Variants in THAP10 observed in about 807,000 individuals in gnomAD.
THAP10 encodes THAP domain containing 10.
In THAP10, 10 loss-of-function variants were observed where a neutral mutation model predicts 15.7. The ratio of observed to expected loss-of-function variants is 0.64; its 90% CI spans 0.39 to 1.08. The LOEUF (loss-of-function observed/expected upper bound fraction) is 1.08. Ranked by LOEUF, THAP10 falls within the 50% of genes least tolerant of loss-of-function variation. THAP10 has a pLI of 0.01. For missense variants in THAP10, 310 were observed against 330.9 expected, an observed-to-expected ratio of 0.94 and a Z score of 0.49; for synonymous variants, 127 against 129.1, an observed-to-expected ratio of 0.98 and a Z score of 0.11.
rs1288272629 is a variant in THAP10, at chr15:70,892,228, C to G, written c.45G>C (p.Lys15Asn). The change falls in exon 1 of 3, where the codon AAG (lysine) becomes AAC (asparagine). Residue 15 changes from lysine (K) to asparagine (N), a missense_variant. Coordinates refer to ENST00000249861, the MANE Select transcript of THAP10 (RefSeq NM_020147.4). ...GAAAGCGGAACAGCGACTTCCCAGA[C>G]TTGGTGGTGTTGCCGCAGTGGGCGG... Reference protein sequence around the residue: ...CVAAHCGNTTKSGKSLFRFPK... With the variant: ...CVAAHCGNTTNSGKSLFRFPK... 6.3e-7 allele frequency: 1 copy of G among 1,593,402 alleles called. No individual in the cohort carries two copies. The highest frequency in any genetic ancestry group is 8.6e-7 in the Non-Finnish European group (1 of 1,169,234).
chr15:70,888,690 G>A (rs2033473374), intron 1 of THAP10, among the ~76,000 whole-genome samples: 1 of 152,150 alleles, frequency 6.6e-6, no homozygotes, highest in Admixed American at 6.5e-5. Flanking sequence ...AACCCATAGT[G>A]GGAGAAGATA....
chr15:70,888,841 T>C (rs948465324), intron 1 of THAP10, among the ~76,000 whole-genome samples: 9 of 152,190 alleles, frequency 5.9e-5, no homozygotes, highest in Admixed American at 4.6e-4. Flanking sequence ...ATCCAATTAA[T>C]ATTTGAAAAG....
intron 1 of THAP10, among the ~76,000 whole-genome samples, chr15:70,884,702 T>A (rs1396555004): frequency 6.6e-6 from 1 of 152,164 alleles, no homozygotes; most frequent in African/African-American, 2.4e-5. Flanking sequence ...AAGTCCAGAA[T>A]AAACACATAT....
rs970374874 is a variant in THAP10, at chr15:70,889,742, AAC to A, written c.429+2100_429+2101del. Among the ~76,000 whole-genome samples the A allele has an allele frequency of 8.5e-5, 13 of 152,330 alleles. No individual in the cohort carries two copies. In the East Asian group the frequency reaches 2.5e-3, roughly 29 times the overall value. On this transcript the variant is annotated intron_variant, in intron 1 of 2. Transcript: ENST00000249861. Reference sequence around the variant, plus strand: ...TCCATATATAGCACCAAGCACCCAGAACAGTGTCTACAATAGCTCTTCAATAA... The same window carrying A: ...TCCATATATAGCACCAAGCACCCAGAAGTGTCTACAATAGCTCTTCAATAA...
At position 70,891,925 on chromosome 15, in the gene THAP10, C is replaced by G; in HGVS notation, c.348G>C (p.Gln116His). ...AGRLDTRGELQAARHSEAAPG... is the reference protein window; with the variant it reads ...AGRLDTRGELHAARHSEAAPG... ...GGGCAGCCTCAGAATGCCTGGCTGC[C>G]TGGAGCTCTCCTCGCGTGTCCAGGC... The change falls in exon 1 of 3, where the codon CAG (glutamine) becomes CAC (histidine). Residue 116 changes from glutamine (Q) to histidine (H), a missense_variant. By Grantham distance (24) the Gln-to-His change is conservative (BLOSUM62 0). Coordinates refer to ENST00000249861, the MANE Select transcript of THAP10 (RefSeq NM_020147.4). 1 of 1,613,830 alleles carries G rather than the reference C, an allele frequency of 6.2e-7. No homozygotes were observed. The highest frequency in any genetic ancestry group is 8.5e-7 in the Non-Finnish European group (1 of 1,179,956).
At chr15:70,888,860 T>G (rs1157476243) in intron 1 of THAP10, among the ~76,000 whole-genome samples, 1 of 152,184 alleles carries the variant, frequency 6.6e-6, no homozygotes, top group African/African-American at 2.4e-5. Flanking sequence ...AGGTGTTTCC[T>G]TACTAATTTC....
Position 70,882,909 on chromosome 15 carries a change from C to T in THAP10, c.430-1G>A. The T allele has an allele frequency of 6.2e-7, 1 of 1,613,622 alleles. No homozygotes were observed. The highest frequency in any genetic ancestry group is 8.5e-7 in the Non-Finnish European group (1 of 1,179,842). ...GCACAAGTTCATTTTCACACGTAAT[C>T]TAAAAATACAAATCAGAGGAGAAAC... On this transcript the variant is annotated splice_acceptor_variant, in intron 1 of 2. Transcript: ENST00000249861. LOFTEE classifies it high-confidence loss of function.
Position 70,892,077 on chromosome 15 carries a change from AG to A in THAP10, c.195del (p.Ser66LeufsTer14). The A allele has an allele frequency of 1.2e-6, 2 of 1,613,952 alleles. No individual in the cohort carries two copies. Among genetic ancestry groups the A allele is most frequent in the Middle Eastern group, 1.7e-4 (1 of 6,060 alleles). ...CGCAGGTTCTTCTGGATAACCGAAG[AG>A]ACGTCAAAACAGGCTGGGGCAAAGT... ...SDHFAPACFD[V>X]SSVIQKNLRF... On this transcript the variant is annotated frameshift_variant, in exon 1 of 3. Transcript: ENST00000249861. LOFTEE classifies it high-confidence loss of function.
intron 1 of THAP10, among the ~76,000 whole-genome samples, chr15:70,885,626 A>G (rs549518465): frequency 3.9e-5 from 6 of 152,332 alleles, no homozygotes; most frequent in Non-Finnish European, 7.4e-5. Flanking sequence ...TGGTGTTGCT[A>G]TATTAGCACT....
Position 70,891,843 on chromosome 15 carries a change from C to G in THAP10, c.429+1G>C, listed in dbSNP as rs763915679. ...CACAACCTTCGGTGGTCTCTCTTTA[C>G]CTGTGAAGCTGCAGCCTGCTTCCCA... On this transcript the variant is annotated splice_donor_variant, in intron 1 of 2. Coordinates refer to ENST00000249861, the MANE Select transcript of THAP10 (RefSeq NM_020147.4). LOFTEE classifies it high-confidence loss of function. 1 of 1,582,922 alleles carries G rather than the reference C, an allele frequency of 6.3e-7. No homozygotes were observed. The highest frequency in any genetic ancestry group is 1.3e-5 in the African/African-American group (1 of 74,348).
At chr15:70,888,905 C>T (rs1262432655) in intron 1 of THAP10, among the ~76,000 whole-genome samples, 2 of 152,178 alleles carry the variant, frequency 1.3e-5, no homozygotes, top group Non-Finnish European at 2.9e-5. Context: ...AAAAACATTA[C>T]TACGCACTCT....
In THAP10 at chr15:70,892,124, C is replaced by G; in HGVS notation, c.149G>C (p.Arg50Pro). The G allele has an allele frequency of 6.2e-7, 1 of 1,613,888 alleles. No homozygotes were observed. ...AAAGTGGTCAGAGCAGATGACCGAG[C>G]GGTCATTGCCTCCGTACCAGTCGGC... ...CRADWYGGND[R>P]SVICSDHFAP... Residue 50 changes from arginine (R) to proline (P), a missense_variant, in exon 1 of 3, where the codon CGC (arginine) becomes CCC (proline). Coordinates refer to ENST00000249861, the MANE Select transcript of THAP10 (RefSeq NM_020147.4).
intron 1 of THAP10, among the ~76,000 whole-genome samples, chr15:70,890,947 T>C (rs1242167819): frequency 1.3e-5 from 2 of 152,174 alleles, no homozygotes; most frequent in African/African-American, 4.8e-5. Context: ...ATAATTTTGC[T>C]CTTTATCTTA....
intron 1 of THAP10, among the ~76,000 whole-genome samples, chr15:70,888,153 G>A (rs373119406): frequency 1.1e-4 from 15 of 142,526 alleles, no homozygotes; most frequent in African/African-American, 3.4e-4. Flanking sequence ...CAAAATCCTC[G>A]TGAGTAACTT....
chr15:70,892,133 C>A lies in THAP10; in HGVS notation c.140G>T (p.Gly47Val). 1 of 1,613,758 alleles carries A rather than the reference C, an allele frequency of 6.2e-7. No individual in the cohort carries two copies. The highest frequency in any genetic ancestry group is 1.1e-5 in the South Asian group (1 of 91,030). The part of the protein sequence containing the change: ...VRGCRADWYG[G>V]NDRSVICSDH... ...AGAGCAGATGACCGAGCGGTCATTG[C>A]CTCCGTACCAGTCGGCGCGGCAACC... Residue 47 changes from glycine (G) to valine (V), a missense_variant, in exon 1 of 3, where the codon GGC becomes GTC. Transcript: ENST00000249861.
At chr15:70,891,618 T>TGTGTGTGTGTGTGA (rs930540936) in intron 1 of THAP10, among the ~76,000 whole-genome samples, 2 of 127,654 alleles carry the variant, frequency 1.6e-5, no homozygotes, top group African/African-American at 3.1e-5. Flanking sequence ...TGTGTGTGTG[T>TGTGTGTGTGTGTGA]GAGTTTTGGG....
At position 70,891,973 on chromosome 15, in the gene THAP10, T is replaced by A. The variant is rs144404388; in HGVS notation, c.300A>T (p.Gly100=). 1.1e-4 allele frequency: 175 copies of A among 1,613,280 alleles called. No individual in the cohort carries two copies. The highest frequency in any genetic ancestry group is 1.4e-4 in the Non-Finnish European group (166 of 1,179,776). Residue 100 remains glycine (G), a synonymous_variant, in exon 1 of 3, where the codon GGA becomes GGT. Transcript: ENST00000249861. The part of the protein sequence containing the change: ...HRVPAPAPKR[G]EEGDQAGRLD... ...GGCGGCCTGCTTGGTCTCCCTCCTC[T>A]CCCCTCTTAGGTGCCGGGGCGGGCA...
chr15:70,889,186 T>C (rs1204422323), intron 1 of THAP10, among the ~76,000 whole-genome samples: 1 of 152,174 alleles, frequency 6.6e-6, no homozygotes, highest in Non-Finnish European at 1.5e-5. Flanking sequence ...AAAACCCAAA[T>C]GTTCAACAAT....
intron 1 of THAP10, among the ~76,000 whole-genome samples, 158 bp from the exon 2 acceptor site, chr15:70,883,066 C>T (rs995620268): frequency 3.2e-4 from 49 of 152,154 alleles, no homozygotes; most frequent in African/African-American, 1.2e-3. Flanking sequence ...TATAGTCCAA[C>T]CTTTTATGAA....
Sources: gnomAD v4.1 joint callset for allele counts (sites outside exome capture counted in the v4.1 genomes callset) on GRCh38, gnomAD v4.1.1 for gene constraint, MANE v1.5 for transcripts, NCBI Gene and HGNC (gene_info 2026-07-23, HGNC 2026-07-21) for gene names.